ASRGL1: variants seen among roughly 807,000 people sequenced by gnomAD.
The protein encoded by ASRGL1 is isoaspartyl peptidase/L-asparaginase.
In ASRGL1, 16 loss-of-function variants were observed where a neutral mutation model predicts 22.4. The observed-to-expected ratio is 0.71, with a 90% CI of 0.48 to 1.08. The LOEUF (loss-of-function observed/expected upper bound fraction) is 1.08. Ranked by LOEUF, ASRGL1 falls within the 50% of genes least tolerant of loss-of-function variation. The probability of loss-of-function intolerance (pLI) is 0.00; values close to 1 mark genes in which losing one functional copy is unlikely to be tolerated. For synonymous variants in ASRGL1, 165 were observed against 159.3 expected (o/e 1.04, Z -0.27); for missense variants, 412 against 410.1 (o/e 1.00, Z -0.04).
At chr11:62,353,115 G>GT (rs1339928927) in intron 2 of ASRGL1, among the ~76,000 whole-genome samples, 1 of 151,912 alleles carries the variant, frequency 6.6e-6, no homozygotes, top group African/African-American at 2.4e-5. Context: ...GTTCATTTTG[G>GT]TTTTTTCCAG....
At chr11:62,361,487 T>A (rs1284474259) in intron 4 of ASRGL1, among the ~76,000 whole-genome samples, 7 of 145,262 alleles carry the variant, frequency 4.8e-5, no homozygotes, top group East Asian at 2.0e-4. Context: ...GCCAATTTTT[T>A]TTTTTTTTTT....
chr11:62,360,295 T>A (rs1946402466), intron 4 of ASRGL1, among the ~76,000 whole-genome samples: 1 of 151,950 alleles, frequency 6.6e-6, no homozygotes. Context: ...CCCAAAGTGC[T>A]AGGATTATAG....
intron 4 of ASRGL1, among the ~76,000 whole-genome samples, chr11:62,363,736 T>C (rs1946540692): frequency 6.6e-6 from 1 of 152,214 alleles, no homozygotes; most frequent in South Asian, 2.1e-4. Context: ...GTAATTCCAG[T>C]TGCTGCTGCT....
At chr11:62,381,274 C>T (rs569193119) in intron 4 of ASRGL1, among the ~76,000 whole-genome samples, 3 of 152,230 alleles carry the variant, frequency 2.0e-5, no homozygotes, top group Non-Finnish European at 4.4e-5. Flanking sequence ...CTGATGGCCC[C>T]GCTAATTCTG....
rs765792445 is a variant in ASRGL1 at position 62,391,558 on chromosome 11, T to C, written c.647T>C (p.Val216Ala). ...TATGCCGACAATGACATCGGAGCCG[T>C]CTCAACCACAGGGCATGGGGAAAGC... Reference protein sequence around the residue: ...GGYADNDIGAVSTTGHGESIL... With the variant: ...GGYADNDIGAASTTGHGESIL... Residue 216 changes from valine to alanine, a missense_variant, in exon 6 of 7, where the codon GTC (valine) becomes GCC (alanine). Val to Ala is a moderately conservative substitution (Grantham distance 64). Transcript: ENST00000415229. The C allele has an allele frequency of 5.0e-6, 8 of 1,612,422 alleles. No homozygotes were observed. Among genetic ancestry groups the C allele is most frequent in the Non-Finnish European group, 5.9e-6 (7 of 1,179,416 alleles).
At chr11:62,376,100 CAAAAAAAAAA>C (rs35931241) in intron 4 of ASRGL1, among the ~76,000 whole-genome samples, 8 of 51,562 alleles carry the variant, frequency 1.6e-4, no homozygotes, top group African/African-American at 5.3e-4. Flanking sequence ...GACTCCATCT[CAAAAAAAAAA>C]AAAAAAAAAA....
At chr11:62,362,813 T>TGCACACACACAC (rs1946508867) in intron 4 of ASRGL1, among the ~76,000 whole-genome samples, 1 of 83,876 alleles carries the variant, frequency 1.2e-5, no homozygotes, top group Non-Finnish European at 2.2e-5. Context: ...TTATCTGACA[T>TGCACACACACAC]ACACACACAC....
intron 2 of ASRGL1, among the ~76,000 whole-genome samples, chr11:62,356,019 T>C (rs1946282321): frequency 6.6e-6 from 1 of 152,256 alleles, no homozygotes; most frequent in African/African-American, 2.4e-5. Flanking sequence ...CCATGTCTAC[T>C]TCCTTCTACA....
intron 2 of ASRGL1, among the ~76,000 whole-genome samples, chr11:62,345,028 A>G (rs577620854): frequency 1.3e-5 from 2 of 152,262 alleles, no homozygotes; most frequent in Middle Eastern, 3.4e-3. Flanking sequence ...AGTTCCATCC[A>G]TGTTGTTGCA....
intron 4 of ASRGL1, among the ~76,000 whole-genome samples, chr11:62,384,027 C>CGTGT (rs1424219293): frequency 7.4e-6 from 1 of 135,934 alleles, no homozygotes; most frequent in African/African-American, 2.7e-5. Context: ...TGTGTGTGCA[C>CGTGT]GTGTGTGCGT....
chr11:62,338,013 C>G lies in ASRGL1; in HGVS notation c.36C>G (p.Ala12=). The change falls in exon 2 of 7, where the codon GCC becomes GCG. Residue 12 remains alanine, a synonymous_variant. Transcript: ENST00000415229. ...NPIVVVHGGG[A]GPISKDRKER... Reference sequence around the variant, plus strand: ...TCGTAGTGGTCCACGGCGGCGGAGCCGGTCCCATCTCCAAGGATCGGAAGG... The same window carrying G: ...TCGTAGTGGTCCACGGCGGCGGAGCGGGTCCCATCTCCAAGGATCGGAAGG... 6.2e-6 allele frequency: 10 copies of G among 1,606,458 alleles called. No individual in the cohort carries two copies. Among genetic ancestry groups the G allele is most frequent in the Middle Eastern group, 1.7e-4 (1 of 5,986 alleles).
chr11:62,351,353 C>T (rs1450650663), intron 2 of ASRGL1, among the ~76,000 whole-genome samples: 1 of 152,118 alleles, frequency 6.6e-6, no homozygotes, highest in African/African-American at 2.4e-5. Flanking sequence ...TCCCAATGTT[C>T]CAAGATTCCT....
intron 2 of ASRGL1, among the ~76,000 whole-genome samples, chr11:62,339,268 G>T (rs557782682): frequency 6.6e-6 from 1 of 152,118 alleles, no homozygotes; most frequent in South Asian, 2.1e-4. Flanking sequence ...CTAGAGTCCC[G>T]CTGGAATTTG....
At chr11:62,370,852 G>T (rs576059842) in intron 4 of ASRGL1, among the ~76,000 whole-genome samples, 1 of 152,188 alleles carries the variant, frequency 6.6e-6, no homozygotes, top group East Asian at 1.9e-4. Context: ...AAATTTTAAT[G>T]ATCTTTGATA....
intron 4 of ASRGL1, chr11:62,371,150 C>G (rs1813842192): frequency 8.9e-7 from 1 of 1,123,362 alleles, no homozygotes. Flanking sequence ...AGGAAGAAGG[C>G]GGCGGTGGCG....
chr11:62,371,198 A>G, intron 4 of ASRGL1: 2 of 1,252,754 alleles, frequency 1.6e-6, no homozygotes, highest in Non-Finnish European at 2.1e-6. Context: ...GGCACTGCCC[A>G]CGCCAGGGCC....
intron 4 of ASRGL1, among the ~76,000 whole-genome samples, chr11:62,363,544 CTAGA>C (rs1399283834): frequency 6.6e-6 from 1 of 152,042 alleles, no homozygotes; most frequent in Non-Finnish European, 1.5e-5. Context: ...CTGCATAGAC[CTAGA>C]TACTGTTTAA....
chr11:62,396,911 T>A (rs1032253975), downstream of ASRGL1, among the ~76,000 whole-genome samples: 2 of 152,168 alleles, frequency 1.3e-5, no homozygotes, highest in Non-Finnish European at 1.5e-5. Context: ...AGAAAAGAGG[T>A]TGAGTCTTCC....
rs139016549 is a variant in ASRGL1, at chr11:62,392,243, G to A, written c.886G>A (p.Gly296Arg). 476 of 1,614,002 alleles carry A rather than the reference G, an allele frequency of 2.9e-4. No individual in the cohort carries two copies. The highest frequency in any genetic ancestry group is 3.8e-4 in the Non-Finnish European group (449 of 1,180,054). ...AAAKDGKLHF[G>R]IDPDDTTITD... ...CGCCAAGGACGGCAAGCTGCACTTC[G>A]GAATTGATCCTGACGATACTACTAT... Residue 296 changes from glycine (G) to arginine (R), a missense_variant, in exon 7 of 7, where the codon GGA becomes AGA. Physicochemically the swap from Gly to Arg is moderately radical, Grantham distance 125 (BLOSUM62 -2). Transcript: ENST00000415229.
Sources: gnomAD v4.1 joint callset for allele counts (sites outside exome capture counted in the v4.1 genomes callset) on GRCh38, gnomAD v4.1.1 for gene constraint, MANE v1.5 for transcripts, NCBI Gene and HGNC (gene_info 2026-07-23, HGNC 2026-07-21) for gene names.